The following TBC1D14 variants were observed in gnomAD, a reference collection of about 807,000 sequenced individuals.
The protein encoded by TBC1D14 is TBC1 domain family member 14, also known as TBC1 domain family, member 14.
In TBC1D14, 26 loss-of-function variants were observed where a neutral mutation model predicts 79.0. That is an observed-to-expected ratio of 0.33 (90% CI 0.24 to 0.46). The LOEUF is 0.46. Ranked by LOEUF, TBC1D14 falls within the 20% of genes least tolerant of loss-of-function variation. TBC1D14 has a pLI of 1.00. For synonymous variants in TBC1D14, 394 were observed against 349.9 expected, an observed-to-expected ratio of 1.13 and a Z score of -1.40; for missense variants, 769 against 887.6, an observed-to-expected ratio of 0.87 and a Z score of 1.70.
At position 6,999,140 on chromosome 4, in the gene TBC1D14, G is replaced by A. The variant is rs758027962; in HGVS notation, c.1101G>A (p.Glu367=). 1.2e-6 allele frequency: 2 copies of A among 1,614,166 alleles called. No homozygotes were observed. Among genetic ancestry groups the A allele is most frequent in the South Asian group, 2.2e-5 (2 of 91,072 alleles). ...KKQLEERCRV[E]ESIGNAVLTW... ...AGCTGGAAGAAAGATGCAGAGTCGAGGAAAGCATTGGAAACGCTGTGCTCA... is the reference window on the plus strand; with the variant it reads ...AGCTGGAAGAAAGATGCAGAGTCGAAGAAAGCATTGGAAACGCTGTGCTCA... Residue 367 remains glutamate, a synonymous_variant, in exon 6 of 14, where the codon GAG becomes GAA. Transcript: ENST00000409757.
At chr4:6,917,444 A>T (rs1723492847) in intron 1 of TBC1D14, among the ~76,000 whole-genome samples, 1 of 152,044 alleles carries the variant, frequency 6.6e-6, no homozygotes, top group African/African-American at 2.4e-5. Flanking sequence ...TTTCTGGGAG[A>T]GGCAGGGAAG....
chr4:6,963,079 A>ATGCCCTG (rs1459756003), intron 2 of TBC1D14, among the ~76,000 whole-genome samples: 21 of 152,350 alleles, frequency 1.4e-4, no homozygotes, highest in Non-Finnish European at 7.3e-5. Context: ...AATGGAGGGA[A>ATGCCCTG]TGCCCTGTGC....
At chr4:7,019,512 G>A (rs1179272704) in intron 12 of TBC1D14, among the ~76,000 whole-genome samples, 1 of 152,202 alleles carries the variant, frequency 6.6e-6, no homozygotes, top group Non-Finnish European at 1.5e-5. Flanking sequence ...GGCATGTGGA[G>A]GAGGGAAGAG....
At position 6,923,662 on chromosome 4, in the gene TBC1D14, C is replaced by T. The variant is rs117097571; in HGVS notation, c.273C>T (p.Ser91=). 2.6e-5 allele frequency: 42 copies of T among 1,613,698 alleles called. No homozygotes were observed. The highest frequency in any genetic ancestry group is 1.8e-4 in the Admixed American group (11 of 60,004). The change falls in exon 2 of 14, where the codon TCC becomes TCT. Residue 91 remains serine, a synonymous_variant. Coordinates refer to ENST00000409757, the MANE Select transcript of TBC1D14 (RefSeq NM_020773.3). The part of the protein sequence containing the change: ...CSAVHVRRKQ[S]DSDLIPERAF... ...CGGTCCACGTGAGGAGGAAGCAGTC[C>T]GACTCCGACCTCATCCCCGAGCGGG...
At chr4:7,007,483 T>A in intron 9 of TBC1D14, 1 of 1,247,038 alleles carries the variant, frequency 8.0e-7, no homozygotes, top group Non-Finnish European at 1.1e-6. Context: ...GCAGAATACC[T>A]TTGCACCTGT....
chr4:6,927,396 A>G (rs1577470313), intron 2 of TBC1D14, among the ~76,000 whole-genome samples: 2 of 152,286 alleles, frequency 1.3e-5, no homozygotes, highest in South Asian at 2.1e-4. Context: ...GCCTTGGGCA[A>G]GTTACCTCTC....
intron 3 of TBC1D14, among the ~76,000 whole-genome samples, chr4:6,988,465 G>C (rs1049233428): frequency 6.6e-6 from 1 of 152,256 alleles, no homozygotes; most frequent in Non-Finnish European, 1.5e-5. Flanking sequence ...GACCAGGCCT[G>C]CCGCTGTCCC....
intron 3 of TBC1D14, among the ~76,000 whole-genome samples, chr4:6,973,272 A>G (rs977626415): frequency 1.3e-5 from 2 of 151,538 alleles, no homozygotes; most frequent in Non-Finnish European, 2.9e-5. Context: ...TTCTCTCCTC[A>G]CCTCTGAGAA....
chr4:6,960,415 A>G lies in TBC1D14; in HGVS notation c.723-6889A>G, dbSNP rs578159780. On this transcript the variant is annotated intron_variant, in intron 2 of 13. Transcript: ENST00000409757. ...CCTACCCCGTGCCTTTTGCTACCCAATATCCTGCTCCAGAAGCAATGAATA... is the reference window on the plus strand; with the variant it reads ...CCTACCCCGTGCCTTTTGCTACCCAGTATCCTGCTCCAGAAGCAATGAATA... Among the ~76,000 whole-genome samples, 9 of 152,116 alleles carry G rather than the reference A, an allele frequency of 5.9e-5. No homozygotes were observed. In the South Asian group the frequency reaches 1.2e-3, roughly 21 times the overall value.
chr4:7,005,984 G>A (rs536403982), intron 8 of TBC1D14, among the ~76,000 whole-genome samples: 21 of 152,290 alleles, frequency 1.4e-4, no homozygotes, highest in African/African-American at 3.4e-4. Flanking sequence ...CATTTTTACA[G>A]TCTTTGTGGT....
chr4:6,945,075 G>C (rs1338760094), intron 2 of TBC1D14, among the ~76,000 whole-genome samples: 1 of 152,184 alleles, frequency 6.6e-6, no homozygotes, highest in Non-Finnish European at 1.5e-5. Flanking sequence ...ATAGAGTCAG[G>C]TTCCTGGAGC....
At chr4:7,025,539 A>G (rs1336295330) in intron 13 of TBC1D14, among the ~76,000 whole-genome samples, 1 of 152,224 alleles carries the variant, frequency 6.6e-6, no homozygotes, top group East Asian at 1.9e-4. Flanking sequence ...TTGTATCATT[A>G]TAGTGCTCTT....
At chr4:7,017,879 C>T (rs140621309) in intron 12 of TBC1D14, among the ~76,000 whole-genome samples, 1 of 152,346 alleles carries the variant, frequency 6.6e-6, no homozygotes, top group African/African-American at 2.4e-5. Flanking sequence ...CGCAGTGATT[C>T]AGGCTCCTTG....
chr4:6,992,881 C>G (rs1184060439), intron 3 of TBC1D14, among the ~76,000 whole-genome samples: 7 of 152,132 alleles, frequency 4.6e-5, no homozygotes. Flanking sequence ...TGTAATGAAA[C>G]CATGTTAAGC....
intron 13 of TBC1D14, 94 bp downstream of exon 13, chr4:7,025,356 A>T (rs1722254743): frequency 6.5e-7 from 1 of 1,544,200 alleles, no homozygotes; most frequent in South Asian, 1.2e-5. Context: ...CTGAGGACGT[A>T]GCCCCTTTGA....
chr4:7,010,912 A>G (rs1720698485), intron 11 of TBC1D14, 131 bp downstream of exon 11: 2 of 1,111,828 alleles, frequency 1.8e-6, no homozygotes, highest in South Asian at 1.7e-5. Context: ...AGTAAGCAGC[A>G]CTGTAAGGTG....
intron 8 of TBC1D14, 71 bp downstream of exon 8, chr4:7,004,995 G>A (rs1206503654): frequency 7.3e-7 from 1 of 1,375,988 alleles, no homozygotes; most frequent in African/African-American, 1.4e-5. Context: ...ACATAGTGAA[G>A]AAAGTTGACG....
At chr4:6,933,973 C>G (rs145606576) in intron 2 of TBC1D14, among the ~76,000 whole-genome samples, 3 of 152,146 alleles carry the variant, frequency 2.0e-5, no homozygotes, top group Non-Finnish European at 4.4e-5. Flanking sequence ...AAAGATGACT[C>G]TGAGACTTTC....
intron 3 of TBC1D14, among the ~76,000 whole-genome samples, chr4:6,972,991 T>C (rs17798884): frequency 0.031 from 4,747 of 152,268 alleles, 87 homozygotes; most frequent in Non-Finnish European, 0.043. Context: ...TTGACGTCGT[T>C]GTTGGAAATG....
Sources: allele counts gnomAD v4.1 joint callset (sites outside exome capture counted in the v4.1 genomes callset), GRCh38; gene constraint gnomAD v4.1.1; transcripts MANE v1.5; gene names NCBI Gene and HGNC (gene_info 2026-07-23, HGNC 2026-07-21).